The following VEPH1 variants were observed in gnomAD, a reference collection of about 807,000 sequenced individuals.
VEPH1 encodes ventricular zone-expressed PH domain-containing protein homolog 1.
A neutral mutation model predicts 85.2 loss-of-function variants in VEPH1; 80 were observed. The observed-to-expected ratio is 0.94, with a 90% CI of 0.78 to 1.13. VEPH1 has a LOEUF of 1.13. Ranked by LOEUF, VEPH1 falls within the 50% of genes most tolerant of loss-of-function variation. The probability of loss-of-function intolerance (pLI) is 0.00; values close to 1 mark genes in which losing one functional copy is unlikely to be tolerated. For synonymous variants in VEPH1, 297 were observed against 348.0 expected (o/e 0.85, Z 1.63); for missense variants, 955 against 980.5 (o/e 0.97, Z 0.35).
intron 4 of VEPH1, among the ~76,000 whole-genome samples, chr3:157,436,609 C>G (rs1038482519): frequency 1.3e-5 from 2 of 152,100 alleles, no homozygotes; most frequent in Admixed American, 6.5e-5. Flanking sequence ...CTCAGGAGAA[C>G]AGTAGAAGCC....
In VEPH1 at chr3:157,470,460, T is replaced by C; in HGVS notation, c.208A>G (p.Arg70Gly). The change falls in exon 3 of 14, where the codon AGA (arginine) becomes GGA (glycine). Residue 70 changes from arginine to glycine, a missense_variant. Arg to Gly is a moderately radical substitution (Grantham distance 125). Transcript: ENST00000362010. ...ICITRITTAI[R>G]ETESIEKHAK... is the part of the protein sequence containing the mutation. ...TGCTTTTCAATGGACTCGGTCTCTC[T>C]GATGGCTGTTGTGATTCTTGTGATA... is the stretch of plus-strand genomic sequence containing the variant. The C allele has an allele frequency of 6.2e-7, 1 of 1,614,240 alleles. No homozygotes were observed. The highest frequency in any genetic ancestry group is 1.1e-5 in the South Asian group (1 of 91,086).
rs1553760172 is a variant in VEPH1, at chr3:157,299,577, A to AAAAG, written c.2011-12907_2011-12904dup. ...CCTGTCTCAAAAAAAAAAAAAAAAAAAAAGAAAGAAAGAAAGAAACCTTTA... is the reference window on the plus strand; with the variant it reads ...CCTGTCTCAAAAAAAAAAAAAAAAAAAAAGAAAGAAAGAAAGAAAGAAACCTTTA... On this transcript the variant is annotated intron_variant, in intron 11 of 13. Coordinates refer to ENST00000362010, the MANE Select transcript of VEPH1 (RefSeq NM_001167912.2). Among the ~76,000 whole-genome samples the AAAAG allele has an allele frequency of 1.6e-3, 225 of 142,658 alleles. 6 individuals are homozygous for AAAAG. The highest frequency in any genetic ancestry group is 1.9e-3 in the Non-Finnish European group (124 of 65,304). The allele number at this position is 142,658 out of a possible 152,430, so 93.6% of individuals were successfully genotyped here. A position where few individuals can be genotyped will look rare whatever the true frequency, so the allele number is the denominator to read the frequency against.
At chr3:157,363,329 A>T (rs751713168) in intron 9 of VEPH1, 35 bp downstream of exon 9, 1 of 1,520,316 alleles carries the variant, frequency 6.6e-7, no homozygotes, top group Non-Finnish European at 8.8e-7. Context: ...GTGACTCCTG[A>T]AGTTTCTCAG....
rs1219723677 is a variant in VEPH1 at position 157,470,273 on chromosome 3, C to T, written c.354+41G>A. On this transcript the variant is annotated intron_variant, in intron 3 of 13. Coordinates refer to ENST00000362010, the MANE Select transcript of VEPH1 (RefSeq NM_001167912.2). ...GACATCACAGGTTCACCTAGGCTGC[C>T]AACTCAGTATCAAATAGCCTGATGT... 5 of 1,593,572 alleles carry T rather than the reference C, an allele frequency of 3.1e-6. No homozygotes were observed. In the East Asian group the frequency reaches 6.7e-5, roughly 21 times the overall value.
At chr3:157,299,669 C>T (rs1335839434) in intron 11 of VEPH1, among the ~76,000 whole-genome samples, 1 of 142,824 alleles carries the variant, frequency 7.0e-6, no homozygotes, top group African/African-American at 2.5e-5. Flanking sequence ...GCCATGATGC[C>T]ATGATAGATG....
chr3:157,339,119 G>T (rs1723255419), intron 9 of VEPH1, among the ~76,000 whole-genome samples: 1 of 152,174 alleles, frequency 6.6e-6, no homozygotes, highest in Non-Finnish European at 1.5e-5. Context: ...ATCCCATGAG[G>T]TATGTGAGAT....
chr3:157,314,330 CAAAAAAAA>C (rs34703314), intron 10 of VEPH1, among the ~76,000 whole-genome samples: 2,631 of 42,988 alleles, frequency 0.061, 36 homozygotes, highest in South Asian at 0.13. Flanking sequence ...GAGGATCCGT[CAAAAAAAA>C]AAAAAAAAAA....
At position 157,488,709 on chromosome 3, in the gene VEPH1, C is replaced by T. The variant is rs114610458; in HGVS notation, c.138+6503G>A. 4.5e-3 allele frequency among the ~76,000 whole-genome samples: 683 copies of T among 152,034 alleles called. 6 individuals are homozygous for T. Among genetic ancestry groups the T allele is most frequent in the African/African-American group, 0.016 (655 of 41,460 alleles). ...GCCCAGACTTCTCTCCTGCTCCAGACTCATACATACAATACTTGCACATCT... is the reference window on the plus strand; with the variant it reads ...GCCCAGACTTCTCTCCTGCTCCAGATTCATACATACAATACTTGCACATCT... On this transcript the variant is annotated intron_variant, in intron 2 of 13. Coordinates refer to ENST00000362010, the MANE Select transcript of VEPH1 (RefSeq NM_001167912.2).
At chr3:157,461,095 G>A (rs974877486) in intron 3 of VEPH1, among the ~76,000 whole-genome samples, 8 of 151,978 alleles carry the variant, frequency 5.3e-5, no homozygotes, top group Admixed American at 2.0e-4. Flanking sequence ...AAAAATAAAT[G>A]AATGTAAGAT....
intron 4 of VEPH1, among the ~76,000 whole-genome samples, chr3:157,449,645 C>A (rs890243001): frequency 6.6e-6 from 1 of 152,158 alleles, no homozygotes; most frequent in African/African-American, 2.4e-5. Flanking sequence ...TCTTCTCCTT[C>A]TGTGAAACTG....
intron 3 of VEPH1, among the ~76,000 whole-genome samples, chr3:157,462,455 G>A (rs1455111206): frequency 1.3e-5 from 2 of 152,152 alleles, no homozygotes; most frequent in African/African-American, 4.8e-5. Context: ...ACACACAGTG[G>A]TGGAGTCAAT....
At chr3:157,385,177 T>C (rs962433817) in intron 6 of VEPH1, among the ~76,000 whole-genome samples, 6 of 149,226 alleles carry the variant, frequency 4.0e-5, no homozygotes, top group African/African-American at 1.5e-4. Context: ...TCCCTGTTTC[T>C]ACATCTAGAC....
Position 157,410,670 on chromosome 3 carries a change from A to G in VEPH1, c.906+3211T>C, listed in dbSNP as rs1472523091. 2.6e-5 allele frequency among the ~76,000 whole-genome samples: 4 copies of G among 152,166 alleles called. No individual in the cohort carries two copies. In the East Asian group the frequency reaches 7.7e-4, roughly 29 times the overall value. On this transcript the variant is annotated intron_variant, in intron 6 of 13. Transcript: ENST00000362010. The stretch of plus-strand genomic sequence containing the variant: ...ATGGCTAAAATAACTTTCTTACAGT[A>G]ATATTTCAGGCATTACAAATAATCA...
At chr3:157,351,800 A>G (rs983575359) in intron 9 of VEPH1, among the ~76,000 whole-genome samples, 1 of 152,138 alleles carries the variant, frequency 6.6e-6, no homozygotes, top group African/African-American at 2.4e-5. Context: ...TTTTTCAACC[A>G]TTGCTGATAT....
At chr3:157,440,231 G>A (rs1297427780) in intron 4 of VEPH1, among the ~76,000 whole-genome samples, 3 of 152,150 alleles carry the variant, frequency 2.0e-5, no homozygotes, top group Non-Finnish European at 4.4e-5. Context: ...AAATTATTTA[G>A]TGAAAAAGTA....
chr3:157,308,307 A>G (rs1719737206), intron 11 of VEPH1, among the ~76,000 whole-genome samples: 1 of 152,058 alleles, frequency 6.6e-6, no homozygotes, highest in East Asian at 1.9e-4. Flanking sequence ...ATTATAGCAA[A>G]CACCTTTACA....
intron 6 of VEPH1, among the ~76,000 whole-genome samples, chr3:157,396,218 GATA>G (rs1730365688): frequency 6.6e-6 from 1 of 152,144 alleles, no homozygotes; most frequent in South Asian, 2.1e-4. Flanking sequence ...GTTTGCTGAG[GATA>G]ATGACTTCCA....
At position 157,287,209 on chromosome 3, in the gene VEPH1, C is replaced by T. The variant is rs1716892123; in HGVS notation, c.2011-535G>A. On this transcript the variant is annotated intron_variant, in intron 11 of 13. Coordinates refer to ENST00000362010, the MANE Select transcript of VEPH1 (RefSeq NM_001167912.2). ...GCAACATGGCAAAACCTCGTCTCTA[C>T]CAAAAATACAAAAACATTAGCCAGG... 1.3e-5 allele frequency among the ~76,000 whole-genome samples: 2 copies of T among 151,978 alleles called. 1 individual carries two copies. Among genetic ancestry groups the T allele is most frequent in the South Asian group, 4.2e-4 (2 of 4,814 alleles).
chr3:157,423,204 C>G (rs982835391), intron 5 of VEPH1, among the ~76,000 whole-genome samples: 1 of 152,158 alleles, frequency 6.6e-6, no homozygotes. Flanking sequence ...TCCTATGTAC[C>G]TTAAGGAGTT....
Sources: allele counts gnomAD v4.1 joint callset (sites outside exome capture counted in the v4.1 genomes callset), GRCh38; gene constraint gnomAD v4.1.1; transcripts MANE v1.5; gene names NCBI Gene and HGNC (gene_info 2026-07-23, HGNC 2026-07-21).